Variants in VTI1B observed in about 807,000 individuals in gnomAD.
VTI1B encodes the protein vesicle transport through interaction with t-SNAREs homolog 1B.
Under a neutral mutation model 28.6 loss-of-function variants are expected in VTI1B, and 18 were observed. That is an observed-to-expected ratio of 0.63 (90% CI 0.43 to 0.93). VTI1B has a LOEUF of 0.93. Among genes scored for constraint, VTI1B ranks in the 40% least tolerant of loss-of-function variants. The pLI, the probability that VTI1B is intolerant of heterozygous loss-of-function variation, is 0.00. For synonymous variants in VTI1B, 100 were observed against 107.9 expected, an observed-to-expected ratio of 0.93 and a Z score of 0.46; for missense variants, 283 against 297.0, an observed-to-expected ratio of 0.95 and a Z score of 0.35.
At chr14:67,663,476 A>G (rs1342821726) in intron 1 of VTI1B, among the ~76,000 whole-genome samples, 2 of 152,038 alleles carry the variant, frequency 1.3e-5, no homozygotes, top group Non-Finnish European at 2.9e-5. Flanking sequence ...GATCGAGACC[A>G]TCCTGCCTAA....
chr14:67,668,420 T>C (rs2037427784), intron 1 of VTI1B, among the ~76,000 whole-genome samples: 1 of 152,244 alleles, frequency 6.6e-6, no homozygotes, highest in Admixed American at 6.5e-5. Context: ...TTGTCTCTAG[T>C]ATCATTCAAA....
intron 1 of VTI1B, among the ~76,000 whole-genome samples, chr14:67,669,018 G>C (rs2037435423): frequency 6.6e-6 from 1 of 152,124 alleles, no homozygotes; most frequent in South Asian, 2.1e-4. Context: ...AAATAAAATG[G>C]CTAGTAGCTC....
At position 67,654,125 on chromosome 14, in the gene VTI1B, G is replaced by A. The variant is rs187790529; in HGVS notation, c.541-627C>T. 2.0e-4 allele frequency among the ~76,000 whole-genome samples: 30 copies of A among 152,218 alleles called. No individual in the cohort carries two copies. The East Asian group carries it at 5.6e-3, about 28-fold the overall frequency. On this transcript the variant is annotated intron_variant, in intron 4 of 5. Coordinates refer to ENST00000554659, the MANE Select transcript of VTI1B (RefSeq NM_006370.3). ...CTCGTTCCTTGGCTTTTATTTATTT[G>A]AAACAGGGTCTCACTCCGTCACTCA...
At chr14:67,665,609 G>A (rs775562036) in intron 1 of VTI1B, among the ~76,000 whole-genome samples, 4 of 152,018 alleles carry the variant, frequency 2.6e-5, no homozygotes, top group Non-Finnish European at 4.4e-5. Flanking sequence ...TTTTGGATGC[G>A]TATATTCTAT....
intron 3 of VTI1B, among the ~76,000 whole-genome samples, chr14:67,658,257 A>C (rs1173040088): frequency 6.6e-6 from 1 of 152,216 alleles, no homozygotes; most frequent in Non-Finnish European, 1.5e-5. Context: ...GATTTGGAAC[A>C]ATACTTTTTC....
chr14:67,659,131 A>G (rs944627295), intron 3 of VTI1B, among the ~76,000 whole-genome samples: 1 of 152,234 alleles, frequency 6.6e-6, no homozygotes, highest in Non-Finnish European at 1.5e-5. Flanking sequence ...AATTTTATAA[A>G]TCAGAATCCT....
At chr14:67,661,881 C>T (rs934090965) in intron 2 of VTI1B, among the ~76,000 whole-genome samples, 1 of 152,116 alleles carries the variant, frequency 6.6e-6, no homozygotes, top group Non-Finnish European at 1.5e-5. Context: ...TTAGGCCAGG[C>T]ACGGTGGCTC....
intron 1 of VTI1B, among the ~76,000 whole-genome samples, chr14:67,671,181 T>C (rs1173804809): frequency 6.6e-6 from 1 of 152,226 alleles, no homozygotes; most frequent in African/African-American, 2.4e-5. Flanking sequence ...GGGATATGTA[T>C]ATATTTTCTT....
intron 5 of VTI1B, chr14:67,651,812 G>A (rs17104541): frequency 0.017 from 4,440 of 254,680 alleles, 213 homozygotes; most frequent in African/African-American, 0.095. Flanking sequence ...ATCCAGCTCA[G>A]GATGGGTCCT....
chr14:67,669,854 C>A (rs959388881), intron 1 of VTI1B, among the ~76,000 whole-genome samples: 2 of 152,188 alleles, frequency 1.3e-5, no homozygotes, highest in African/African-American at 4.8e-5. Flanking sequence ...AACCCCAGCA[C>A]TTTAAGAGGC....
In VTI1B at chr14:67,647,653, G is replaced by C. The variant is rs191817316; in HGVS notation, c.*3732C>G. On this transcript the variant is annotated 3_prime_UTR_variant, in exon 6 of 6. Transcript: ENST00000554659. Reference sequence around the variant, plus strand: ...TAAGAGCAACCATAACTTACATCAAGCCAATTTAAATTAGACTAATTTAAA... The same window carrying C: ...TAAGAGCAACCATAACTTACATCAACCCAATTTAAATTAGACTAATTTAAA... 1.3e-5 allele frequency: 2 copies of C among 159,868 alleles called. No homozygotes were observed. The highest frequency in any genetic ancestry group is 6.4e-5 in the Admixed American group (1 of 15,728). 9.9% of individuals were successfully genotyped at this position (159,868 alleles called of 1,614,324 possible). A position where few individuals can be genotyped will look rare whatever the true frequency, so the allele number is the denominator to read the frequency against.
At chr14:67,661,718 G>A (rs2037337903) in intron 2 of VTI1B, among the ~76,000 whole-genome samples, 1 of 147,242 alleles carries the variant, frequency 6.8e-6, no homozygotes, top group Admixed American at 6.9e-5. Context: ...GTTTGGTAGA[G>A]ATGGGGGGTC....
chr14:67,664,850 T>C (rs567174992), intron 1 of VTI1B, among the ~76,000 whole-genome samples: 2 of 152,080 alleles, frequency 1.3e-5, no homozygotes, highest in South Asian at 4.2e-4. Context: ...ATGATTTGTC[T>C]ACTCTGATTT....
intron 4 of VTI1B, 51 bp downstream of exon 4, chr14:67,656,365 G>A (rs772022383): frequency 3.4e-6 from 5 of 1,469,868 alleles, no homozygotes; most frequent in African/African-American, 1.4e-5. Flanking sequence ...CAGGTGCAGT[G>A]GCCCCCTAAT....
intron 3 of VTI1B, among the ~76,000 whole-genome samples, chr14:67,659,435 T>C (rs1277465991): frequency 6.6e-6 from 1 of 151,690 alleles, no homozygotes; most frequent in Non-Finnish European, 1.5e-5. Flanking sequence ...ATAATAAGAA[T>C]AGGTAACATT....
At position 67,648,056 on chromosome 14, in the gene VTI1B, A is replaced by C. The variant is rs766589780; in HGVS notation, c.*3329T>G. On this transcript the variant is annotated 3_prime_UTR_variant, in exon 6 of 6. Transcript: ENST00000554659. ...TCCTCTTCCTTTTTAGGAGACAAAG[A>C]CCAATCCATTTGAGTTTTGATATTG... The C allele has an allele frequency of 3.1e-6, 5 of 1,611,732 alleles. No homozygotes were observed. Among genetic ancestry groups the C allele is most frequent in the Non-Finnish European group, 3.4e-6 (4 of 1,178,644 alleles).
At chr14:67,664,785 G>C (rs1257702451) in intron 1 of VTI1B, among the ~76,000 whole-genome samples, 1 of 152,112 alleles carries the variant, frequency 6.6e-6, no homozygotes, top group African/African-American at 2.4e-5. Context: ...AGATGAGCCG[G>C]GCTTATGGAG....
At chr14:67,662,391 C>G in intron 2 of VTI1B, 86 bp downstream of exon 2, 1 of 1,152,730 alleles carries the variant, frequency 8.7e-7, no homozygotes, top group Non-Finnish European at 1.3e-6. Flanking sequence ...TGGACAGGAA[C>G]AGTTAATTTG....
At chr14:67,653,995 C>T (rs928346374) in intron 4 of VTI1B, among the ~76,000 whole-genome samples, 1 of 152,198 alleles carries the variant, frequency 6.6e-6, no homozygotes, top group Admixed American at 6.5e-5. Flanking sequence ...GAACTTTCAA[C>T]TGCTTGCTAC....
Sources: gnomAD v4.1 joint callset for allele counts (sites outside exome capture counted in the v4.1 genomes callset) on GRCh38, gnomAD v4.1.1 for gene constraint, MANE v1.5 for transcripts, NCBI Gene and HGNC (gene_info 2026-07-23, HGNC 2026-07-21) for gene names.